The following LRGUK variants were observed in gnomAD, a reference collection of about 807,000 sequenced individuals.
LRGUK encodes leucine-rich repeat and guanylate kinase domain-containing protein.
LRGUK carries 65 observed loss-of-function variants against 76.0 expected under a neutral mutation model. The observed-to-expected ratio is 0.85, with a 90% CI of 0.70 to 1.05. LRGUK has a LOEUF of 1.05. Among genes scored for constraint, LRGUK ranks in the 50% least tolerant of loss-of-function variants. LRGUK has a pLI of 0.00. For synonymous variants in LRGUK, 268 were observed against 265.6 expected (o/e 1.01, Z -0.09); for missense variants, 758 against 732.8 (o/e 1.03, Z -0.40).
intron 3 of LRGUK, 38 bp downstream of exon 3, chr7:134,139,555 C>A: frequency 5.9e-6 from 8 of 1,349,786 alleles, no homozygotes; most frequent in Non-Finnish European, 8.4e-6. Context: ...ACTGAATTAT[C>A]TGAAAACTTA....
At chr7:134,246,200 A>G (rs1802297283) in intron 16 of LRGUK, among the ~76,000 whole-genome samples, 2 of 152,170 alleles carry the variant, frequency 1.3e-5, no homozygotes, top group South Asian at 4.1e-4. Flanking sequence ...AATGGTAAAC[A>G]TTATTCACTC....
chr7:134,258,164 G>A (rs922119788), intron 18 of LRGUK, 93 bp from the exon 19 acceptor site: 20 of 1,486,122 alleles, frequency 1.3e-5, no homozygotes, highest in Non-Finnish European at 1.9e-5. Flanking sequence ...ACTTGATAAA[G>A]GTAACCCAGT....
chr7:134,144,462 G>A (rs751881927), intron 4 of LRGUK, among the ~76,000 whole-genome samples: 31 of 152,138 alleles, frequency 2.0e-4, no homozygotes, highest in Non-Finnish European at 1.9e-4. Flanking sequence ...AGACCATCAG[G>A]TGGCTCTAAT....
chr7:134,205,568 A>G (rs1265048332), intron 15 of LRGUK, among the ~76,000 whole-genome samples: 1 of 152,244 alleles, frequency 6.6e-6, no homozygotes, highest in Non-Finnish European at 1.5e-5. Flanking sequence ...TAGTATAATG[A>G]ATTTTTTAAA....
intron 16 of LRGUK, among the ~76,000 whole-genome samples, chr7:134,247,225 A>G (rs932934240): frequency 3.9e-5 from 6 of 152,218 alleles, no homozygotes; most frequent in East Asian, 3.8e-4. Flanking sequence ...TAAAAAGACC[A>G]TAATAGTCTG....
At chr7:134,132,278 C>A (rs112262557) in intron 1 of LRGUK, among the ~76,000 whole-genome samples, 1 of 152,190 alleles carries the variant, frequency 6.6e-6, no homozygotes, top group Non-Finnish European at 1.5e-5. Flanking sequence ...TCACTCGAGT[C>A]CAGGAGTTCA....
exon 20 of LRGUK, chr7:134,264,416 C>G (rs1172760852): frequency 6.5e-6 from 1 of 153,308 alleles, no homozygotes; most frequent in Non-Finnish European, 1.5e-5. Context: ...TACAACATTC[C>G]TGTATGCTCT....
intron 4 of LRGUK, among the ~76,000 whole-genome samples, chr7:134,144,554 C>A (rs1277590225): frequency 6.6e-6 from 1 of 152,172 alleles, no homozygotes; most frequent in Non-Finnish European, 1.5e-5. Flanking sequence ...ATTAAAAAGT[C>A]ATTTTAAGGA....
chr7:134,155,468 G>A (rs1431423852), intron 5 of LRGUK, among the ~76,000 whole-genome samples: 1 of 152,166 alleles, frequency 6.6e-6, no homozygotes, highest in Non-Finnish European at 1.5e-5. Context: ...TCAGTCTAAG[G>A]ATTGAAACTG....
At chr7:134,185,910 ATAAAT>A in intron 11 of LRGUK, among the ~76,000 whole-genome samples, 1 of 152,346 alleles carries the variant, frequency 6.6e-6, no homozygotes, top group Middle Eastern at 3.4e-3. Flanking sequence ...AGTAACAAAA[ATAAAT>A]TAAAAGTTAA....
At chr7:134,135,988 C>T (rs925960288) in intron 1 of LRGUK, among the ~76,000 whole-genome samples, 1 of 152,144 alleles carries the variant, frequency 6.6e-6, no homozygotes, top group Non-Finnish European at 1.5e-5. Context: ...AGCCTACATG[C>T]GTATGTCATC....
intron 18 of LRGUK, among the ~76,000 whole-genome samples, chr7:134,250,961 A>G (rs770275322): frequency 2.6e-5 from 4 of 152,208 alleles, no homozygotes; most frequent in Non-Finnish European, 4.4e-5. Context: ...CAGACTTTCA[A>G]TGAGTATTCA....
At chr7:134,163,847 G>A (rs1006714983) in intron 7 of LRGUK, among the ~76,000 whole-genome samples, 23 of 152,124 alleles carry the variant, frequency 1.5e-4, no homozygotes, top group Admixed American at 6.5e-5. Flanking sequence ...AAAGATGGCA[G>A]TAGGAATGTC....
At chr7:134,166,716 A>G (rs1030162613) in intron 7 of LRGUK, among the ~76,000 whole-genome samples, 1 of 152,146 alleles carries the variant, frequency 6.6e-6, no homozygotes, top group African/African-American at 2.4e-5. Context: ...GACGGAGACA[A>G]TGGCAGCTGA....
chr7:134,211,986 T>C (rs1801293686), downstream of LRGUK, among the ~76,000 whole-genome samples: 1 of 152,162 alleles, frequency 6.6e-6, no homozygotes, highest in Admixed American at 6.5e-5. Flanking sequence ...TCTGTTTCTT[T>C]CTCCATGTTG....
At chr7:134,238,480 T>A (rs1802063818) in intron 16 of LRGUK, among the ~76,000 whole-genome samples, 1 of 152,158 alleles carries the variant, frequency 6.6e-6, no homozygotes, top group South Asian at 2.1e-4. Flanking sequence ...CTATTTTTCT[T>A]AAACCATTGT....
chr7:134,231,823 C>T (rs1801906537), intron 16 of LRGUK, among the ~76,000 whole-genome samples: 1 of 149,994 alleles, frequency 6.7e-6, no homozygotes, highest in African/African-American at 2.5e-5. Context: ...TTCCTTTTCC[C>T]TGCCTTCTTT....
At chr7:134,217,605 T>G (rs900376861) in intron 15 of LRGUK, among the ~76,000 whole-genome samples, 1 of 152,160 alleles carries the variant, frequency 6.6e-6, no homozygotes, top group Admixed American at 6.5e-5. Flanking sequence ...ATTCTTTTCT[T>G]AGAAGCACAG....
At chr7:134,254,599 A>G (rs1802528649) in intron 18 of LRGUK, among the ~76,000 whole-genome samples, 1 of 152,162 alleles carries the variant, frequency 6.6e-6, no homozygotes, top group Non-Finnish European at 1.5e-5. Context: ...CCTCACCCTC[A>G]TAACCTAAGC....
Sources: gnomAD v4.1 joint callset for allele counts (sites outside exome capture counted in the v4.1 genomes callset) on GRCh38, gnomAD v4.1.1 for gene constraint, MANE v1.5 for transcripts, NCBI Gene and HGNC (gene_info 2026-07-23, HGNC 2026-07-21) for gene names.